The following RC3H1 variants were observed in gnomAD, a reference collection of about 807,000 sequenced individuals.
The protein encoded by RC3H1 is roquin-1.
In RC3H1, 50 loss-of-function variants were observed where a neutral mutation model predicts 138.2. The ratio of observed to expected loss-of-function variants is 0.36; its 90% confidence interval spans 0.29 to 0.46. The LOEUF (loss-of-function observed/expected upper bound fraction) is 0.46. Among genes scored for constraint, RC3H1 ranks in the 20% least tolerant of loss-of-function variants. The probability of loss-of-function intolerance (pLI) is 1.00; values close to 1 mark genes in which losing one functional copy is unlikely to be tolerated. For synonymous variants in RC3H1, 462 were observed against 489.1 expected (o/e 0.94, Z 0.73); for missense variants, 1,031 against 1,388.1 (o/e 0.74, Z 4.09).
chr1:173,977,322 T>C (rs1158756557), intron 7 of RC3H1, among the ~76,000 whole-genome samples: 1 of 152,086 alleles, frequency 6.6e-6, no homozygotes, highest in African/African-American at 2.4e-5. Flanking sequence ...AAGGAGGCTC[T>C]CAAAGGAATT....
intron 1 of RC3H1, among the ~76,000 whole-genome samples, chr1:174,005,858 A>C (rs1661644453): frequency 6.6e-6 from 1 of 152,158 alleles, no homozygotes; most frequent in African/African-American, 2.4e-5. Context: ...AATACTGATA[A>C]TGTTTCATGT....
intron 13 of RC3H1, among the ~76,000 whole-genome samples, chr1:173,958,401 T>A (rs1056472474): frequency 4.0e-5 from 6 of 151,890 alleles, no homozygotes; most frequent in African/African-American, 1.5e-4. Context: ...AAAAATTAGC[T>A]GGGTGTGGTG....
At chr1:173,957,296 G>A (rs1008970410) in intron 13 of RC3H1, among the ~76,000 whole-genome samples, 1 of 152,126 alleles carries the variant, frequency 6.6e-6, no homozygotes, top group African/African-American at 2.4e-5. Context: ...ACCACTATGA[G>A]GTAGGCTTTA....
At chr1:173,992,174 G>C (rs1457747411) in intron 2 of RC3H1, among the ~76,000 whole-genome samples, 2 of 152,016 alleles carry the variant, frequency 1.3e-5, no homozygotes, top group Non-Finnish European at 2.9e-5. Context: ...TTGAGACAGG[G>C]TCTCACTCTG....
chr1:173,944,573 A>G (rs1443612677), intron 17 of RC3H1, among the ~76,000 whole-genome samples: 1 of 152,036 alleles, frequency 6.6e-6, no homozygotes, highest in East Asian at 1.9e-4. Flanking sequence ...TATATAAAAC[A>G]AACAAACAAA....
At chr1:174,017,052 C>T (rs1051233192) in intron 1 of RC3H1, among the ~76,000 whole-genome samples, 5 of 152,144 alleles carry the variant, frequency 3.3e-5, no homozygotes, top group African/African-American at 1.2e-4. Context: ...TCTAAATATT[C>T]TCAAAGATTA....
At chr1:174,007,731 G>A (rs1661679796) in intron 1 of RC3H1, among the ~76,000 whole-genome samples, 1 of 152,124 alleles carries the variant, frequency 6.6e-6, no homozygotes. Context: ...TCAGTAGGAT[G>A]TCAGGTGTGA....
rs544168718 is a variant in RC3H1 at position 174,018,766 on chromosome 1, C to T, written c.-151+3330G>A. Among the ~76,000 whole-genome samples the T allele has an allele frequency of 1.1e-3, 175 of 152,282 alleles. 1 individual carries two copies. The highest frequency in any genetic ancestry group is 4.1e-3 in the African/African-American group (171 of 41,560). On this transcript the variant is annotated intron_variant, in intron 1 of 19. Coordinates refer to ENST00000367696, the MANE Select transcript of RC3H1 (RefSeq NM_172071.4). Reference sequence around the variant, plus strand: ...GAGCACAGACGGGGCCAAAGCTAAACCAGGTCAGAATACCCTGCCAAGGAA... The same window carrying T: ...GAGCACAGACGGGGCCAAAGCTAAATCAGGTCAGAATACCCTGCCAAGGAA...
At chr1:173,960,035 G>C in intron 13 of RC3H1, among the ~76,000 whole-genome samples, 1 of 149,958 alleles carries the variant, frequency 6.7e-6, no homozygotes, top group Non-Finnish European at 1.5e-5. Context: ...TTGAACCCAG[G>C]AGGTGGAGGT....
chr1:173,999,829 C>T (rs576976616), intron 1 of RC3H1, among the ~76,000 whole-genome samples: 2 of 152,290 alleles, frequency 1.3e-5, no homozygotes, highest in African/African-American at 4.8e-5. Flanking sequence ...TTCACAGTAA[C>T]ACTGTAATGT....
chr1:173,977,183 C>G (rs1660625473), intron 7 of RC3H1, among the ~76,000 whole-genome samples: 1 of 152,064 alleles, frequency 6.6e-6, no homozygotes, highest in African/African-American at 2.4e-5. Context: ...CTCGGCCTCC[C>G]AAAGTGCTGG....
chr1:173,938,571 G>T lies in RC3H1; in HGVS notation c.*150C>A. The T allele has an allele frequency of 1.9e-6, 1 of 515,856 alleles. No homozygotes were observed. Among genetic ancestry groups the T allele is most frequent in the Non-Finnish European group, 3.4e-6 (1 of 292,982 alleles). 32.0% of individuals were successfully genotyped at this position (515,856 alleles called of 1,614,324 possible). The stretch of plus-strand genomic sequence containing the variant: ...GAACTATGTGCAGGGTTTGTTTTTA[G>T]TAGTGGTGTTTGTGCACATTGCCTC... On this transcript the variant is annotated 3_prime_UTR_variant, in exon 20 of 20. Transcript: ENST00000367696.
Position 173,993,078 on chromosome 1 carries a change from C to CT in RC3H1, c.-94dup, listed in dbSNP as rs952404830. 15,413 of 623,588 alleles carry CT rather than the reference C, an allele frequency of 0.025. 2 individuals carry two copies. The highest frequency in any genetic ancestry group is 0.027 in the Non-Finnish European group (10,808 of 399,292). 38.6% of individuals were successfully genotyped at this position (623,588 alleles called of 1,614,324 possible). On this transcript the variant is annotated 5_prime_UTR_variant, in exon 2 of 20. Coordinates refer to ENST00000367696, the MANE Select transcript of RC3H1 (RefSeq NM_172071.4). ...TCAAAATCTTTGAAAAAAAGTTTAT[C>CT]TTTTTTTTTTTTAAATATCTTCTGT...
chr1:173,998,767 CAAAG>C lies in RC3H1; in HGVS notation c.-150-5636_-150-5633del, dbSNP rs1443525668. 4.6e-5 allele frequency among the ~76,000 whole-genome samples: 7 copies of C among 151,868 alleles called. No individual in the cohort carries two copies. The South Asian group carries it at 1.2e-3, about 27-fold the overall frequency. On this transcript the variant is annotated intron_variant, in intron 1 of 19. Transcript: ENST00000367696. ...ACTTTACTCAGGTTTTTTTTCTTAA[CAAAG>C]AAATAAAGATCTTATTATCAAAATA...
intron 13 of RC3H1, among the ~76,000 whole-genome samples, chr1:173,959,777 AG>A (rs1301673201): frequency 6.6e-6 from 1 of 151,196 alleles, no homozygotes; most frequent in African/African-American, 2.4e-5. Context: ...CTCAGAAAAA[AG>A]AAAGCTGTCA....
intron 7 of RC3H1, among the ~76,000 whole-genome samples, chr1:173,977,594 T>C (rs550340735): frequency 1.5e-3 from 228 of 152,298 alleles, no homozygotes; most frequent in Non-Finnish European, 2.8e-3. Context: ...GAGATGTATC[T>C]GGAGTGATGC....
At chr1:173,983,378 G>A in intron 4 of RC3H1, 40 bp downstream of exon 4, 1 of 1,608,072 alleles carries the variant, frequency 6.2e-7, no homozygotes, top group African/African-American at 1.3e-5. Flanking sequence ...CATACTTTTA[G>A]AATTACCAGC....
Position 173,938,592 on chromosome 1 carries a change from G to A in RC3H1, c.*129C>T, listed in dbSNP as rs1658696177. On this transcript the variant is annotated 3_prime_UTR_variant, in exon 20 of 20. Coordinates refer to ENST00000367696, the MANE Select transcript of RC3H1 (RefSeq NM_172071.4). ...TTTAGTAGTGGTGTTTGTGCACATTGCCTCTGGTGAATTTCCTGGATTTCT... is the reference window on the plus strand; with the variant it reads ...TTTAGTAGTGGTGTTTGTGCACATTACCTCTGGTGAATTTCCTGGATTTCT... 5.1e-6 allele frequency: 3 copies of A among 589,708 alleles called. No homozygotes were observed. The highest frequency in any genetic ancestry group is 5.8e-6 in the Non-Finnish European group (2 of 347,622). The allele number at this position is 589,708 out of a possible 1,614,324, so 36.5% of individuals were successfully genotyped here.
At chr1:174,019,438 G>C (rs193135743) in intron 1 of RC3H1, among the ~76,000 whole-genome samples, 1 of 152,244 alleles carries the variant, frequency 6.6e-6, no homozygotes, top group East Asian at 1.9e-4. Context: ...TTAATTATGT[G>C]ATCTTTTTGC....
Sources: gnomAD v4.1 joint callset for allele counts (sites outside exome capture counted in the v4.1 genomes callset) on GRCh38, gnomAD v4.1.1 for gene constraint, MANE v1.5 for transcripts, NCBI Gene and HGNC (gene_info 2026-07-23, HGNC 2026-07-21) for gene names.